The following MYLK4 variants were observed in gnomAD, a reference collection of about 807,000 sequenced individuals.
MYLK4 encodes the protein myosin light chain kinase family member 4.
MYLK4 carries 46 observed loss-of-function variants against 48.1 expected under a neutral mutation model. The observed-to-expected ratio is 0.96, with a 90% CI of 0.75 to 1.22. The LOEUF (loss-of-function observed/expected upper bound fraction) is 1.22, where lower values mean the gene tolerates loss of function less well. Ranked by LOEUF, MYLK4 falls within the 50% of genes most tolerant of loss-of-function variation. The pLI, the probability that MYLK4 is intolerant of heterozygous loss-of-function variation, is 0.00. For synonymous variants in MYLK4, 170 were observed against 180.8 expected, an observed-to-expected ratio of 0.94 and a Z score of 0.48; for missense variants, 451 against 486.1, an observed-to-expected ratio of 0.93 and a Z score of 0.68.
At chr6:2,768,576 TC>T in the MYLK4 span, 1 of 774,008 alleles carries the variant, frequency 1.3e-6, no homozygotes, top group East Asian at 2.8e-5. Flanking sequence ...TCAGCATTCT[TC>T]CGAGGTCAAG....
intron 2 of MYLK4, among the ~76,000 whole-genome samples, chr6:2,708,200 G>T (rs1370619714): frequency 6.6e-6 from 1 of 152,144 alleles, no homozygotes; most frequent in Non-Finnish European, 1.5e-5. Flanking sequence ...TAAAAGTTGG[G>T]AAAGTTGACA....
At chr6:2,722,275 G>A (rs769065141) in intron 2 of MYLK4, among the ~76,000 whole-genome samples, 1 of 152,216 alleles carries the variant, frequency 6.6e-6, no homozygotes, top group Non-Finnish European at 1.5e-5. Context: ...GTGTGGTTTA[G>A]AGTATGAGAT....
intron 2 of MYLK4, among the ~76,000 whole-genome samples, chr6:2,713,034 G>A (rs554695300): frequency 6.6e-6 from 1 of 152,252 alleles, no homozygotes; most frequent in African/African-American, 2.4e-5. Flanking sequence ...ATTATTGTGA[G>A]GCCAAGATAC....
chr6:2,765,240 A>G, the MYLK4 span, among the ~76,000 whole-genome samples: 18 of 127,324 alleles, frequency 1.4e-4, no homozygotes, highest in African/African-American at 5.4e-4. Context: ...TCGGAAATGG[A>G]CGCACGGCAG....
the MYLK4 span, chr6:2,765,521 C>T: frequency 1.3e-5 from 17 of 1,288,562 alleles, no homozygotes; most frequent in East Asian, 6.7e-5. Flanking sequence ...GTTCCCCGAG[C>T]GAGGGTCTCG....
the MYLK4 span, among the ~76,000 whole-genome samples, chr6:2,765,116 G>C: frequency 6.6e-6 from 1 of 151,018 alleles, no homozygotes; most frequent in Non-Finnish European, 1.5e-5. Context: ...GCGACTCGCA[G>C]GCCTGGGCGG....
At chr6:2,757,239 A>T in the MYLK4 span, among the ~76,000 whole-genome samples, 122 of 152,198 alleles carry the variant, frequency 8.0e-4, no homozygotes, top group Non-Finnish European at 1.2e-4. Context: ...CTTTTATTCT[A>T]CATGTCCAAA....
chr6:2,728,214 C>T (rs990684799), intron 2 of MYLK4, among the ~76,000 whole-genome samples: 1 of 152,190 alleles, frequency 6.6e-6, no homozygotes, highest in Non-Finnish European at 1.5e-5. Context: ...AGACATTGGG[C>T]AGCAAATACT....
At chr6:2,766,248 A>AC in the MYLK4 span, 1 of 1,489,078 alleles carries the variant, frequency 6.7e-7, no homozygotes. Context: ...GGCCGCCCGC[A>AC]CCCCCGGGCG....
the MYLK4 span, among the ~76,000 whole-genome samples, chr6:2,762,834 C>T: frequency 2.0e-5 from 3 of 152,194 alleles, no homozygotes; most frequent in South Asian, 2.1e-4. Context: ...GTCAGCATCT[C>T]TTAAGTTAGC....
At chr6:2,763,987 C>G in the MYLK4 span, among the ~76,000 whole-genome samples, 2 of 152,170 alleles carry the variant, frequency 1.3e-5, no homozygotes, top group African/African-American at 4.8e-5. Flanking sequence ...AAAAAATTAC[C>G]TGGGTGTGGT....
intron 2 of MYLK4, among the ~76,000 whole-genome samples, chr6:2,724,832 A>C (rs1407879447): frequency 1.3e-5 from 2 of 152,212 alleles, no homozygotes; most frequent in Non-Finnish European, 2.9e-5. Flanking sequence ...CAAGAAGCAC[A>C]ATTTTCTAAG....
At chr6:2,696,476 C>G (rs1292636430) in intron 2 of MYLK4, among the ~76,000 whole-genome samples, 1 of 152,130 alleles carries the variant, frequency 6.6e-6, no homozygotes, top group Non-Finnish European at 1.5e-5. Context: ...TTATAAGAAC[C>G]AAAATGAAAG....
chr6:2,766,812 T>G, the MYLK4 span, among the ~76,000 whole-genome samples: 5 of 152,232 alleles, frequency 3.3e-5, no homozygotes, highest in African/African-American at 1.2e-4. Flanking sequence ...TCAGCATGTT[T>G]AAATTGTAAA....
chr6:2,764,456 G>A, the MYLK4 span, among the ~76,000 whole-genome samples: 1 of 152,142 alleles, frequency 6.6e-6, no homozygotes, highest in Non-Finnish European at 1.5e-5. Context: ...TCAAGTTTTG[G>A]CCAAATTTCG....
rs1210089220 is a variant in MYLK4 at position 2,688,911 on chromosome 6, G to A, written c.281C>T (p.Thr94Ile). 1 of 1,614,208 alleles carries A rather than the reference G, an allele frequency of 6.2e-7. No individual in the cohort carries two copies. Among genetic ancestry groups the A allele is most frequent in the Admixed American group, 1.7e-5 (1 of 60,026 alleles). The change falls in exon 4 of 13, where the codon ACA becomes ATA. Residue 94 changes from threonine to isoleucine, a missense_variant. Coordinates refer to ENST00000274643, the MANE Select transcript of MYLK4 (RefSeq NM_001012418.5). ...GCTGTTGACCGCTCCTTGCTTGGCTGTCACAATACGATGATCAAATGGGGC... is the reference window on the plus strand; with the variant it reads ...GCTGTTGACCGCTCCTTGCTTGGCTATCACAATACGATGATCAAATGGGGC... ...PPAPFDHRIVTAKQGAVNSFY... is the reference protein window; with the variant it reads ...PPAPFDHRIVIAKQGAVNSFY...
intron 4 of MYLK4, 42 bp downstream of exon 4, chr6:2,688,809 T>G: frequency 6.6e-7 from 1 of 1,521,512 alleles, no homozygotes; most frequent in Non-Finnish European, 9.1e-7. Context: ...TTGCACGCTC[T>G]CTTCTTTTGT....
At chr6:2,714,436 A>G (rs1410788768) in intron 2 of MYLK4, among the ~76,000 whole-genome samples, 1 of 152,234 alleles carries the variant, frequency 6.6e-6, no homozygotes, top group East Asian at 1.9e-4. Flanking sequence ...TGCACTCTGG[A>G]TGCACTGCCT....
At chr6:2,718,316 C>G (rs1030853226) in intron 2 of MYLK4, among the ~76,000 whole-genome samples, 2 of 152,182 alleles carry the variant, frequency 1.3e-5, no homozygotes, top group Non-Finnish European at 2.9e-5. Context: ...TGTCTACAGA[C>G]TGAGTGAGTC....
Sources: allele counts gnomAD v4.1 joint callset (sites outside exome capture counted in the v4.1 genomes callset), GRCh38; gene constraint gnomAD v4.1.1; transcripts MANE v1.5; gene names NCBI Gene and HGNC (gene_info 2026-07-23, HGNC 2026-07-21).